CANX: variants seen among roughly 807,000 people sequenced by gnomAD.
The protein encoded by CANX is calnexin.
Under a neutral mutation model 75.7 loss-of-function variants are expected in CANX, and 14 were observed. The ratio of observed to expected loss-of-function variants is 0.19; its 90% CI spans 0.12 to 0.29. The LOEUF is 0.29. CANX is among the 10% of genes least tolerant of loss of function. The pLI is 1.00. For missense variants in CANX, 567 were observed against 713.2 expected (o/e 0.79, Z 2.34); for synonymous variants, 227 against 236.9 (o/e 0.96, Z 0.38).
chr5:179,707,159 C>T lies in CANX; in HGVS notation c.273C>T (p.Asp91=), dbSNP rs187514851. ...GGATTTTATCCAAAGCCAAGAAAGA[C>T]GATACCGATGATGAAATTGCCAAAT... The part of the protein sequence containing the change: ...SGWILSKAKK[D]DTDDEIAKYD... The change falls in exon 4 of 15, where the codon GAC becomes GAT. Residue 91 remains aspartate, a synonymous_variant. Coordinates refer to ENST00000247461, the MANE Select transcript of CANX (RefSeq NM_001746.4). The T allele has an allele frequency of 2.1e-5, 34 of 1,600,210 alleles. No homozygotes were observed. Among genetic ancestry groups the T allele is most frequent in the Admixed American group, 1.5e-4 (9 of 59,980 alleles).
chr5:179,680,959 T>C, intron 1 of CANX: 1 of 1,493,930 alleles, frequency 6.7e-7, no homozygotes, highest in East Asian at 2.5e-5. Context: ...GGAGGATGTT[T>C]CCCCGTTAGT....
At position 179,691,921 on chromosome 5, in the gene CANX, G is replaced by T. The variant is rs181612396; in HGVS notation, c.-4+13144G>T. ...GCCTCCCGAGTAGCTGGGACTACAG[G>T]CACCCGCCACCACGCCCGGCTAATT... On this transcript the variant is annotated intron_variant, in intron 1 of 14. Coordinates refer to the CANX transcript ENST00000681674. 1.0e-3 allele frequency among the ~76,000 whole-genome samples: 157 copies of T among 151,626 alleles called. 1 individual carries two copies. The highest frequency in any genetic ancestry group is 3.7e-3 in the African/African-American group (152 of 41,348).
In CANX at chr5:179,680,505, C is replaced by T. The variant is rs561517096; in HGVS notation, c.-4+1728C>T. 2.6e-5 allele frequency among the ~76,000 whole-genome samples: 4 copies of T among 152,240 alleles called. No individual in the cohort carries two copies. The East Asian group carries it at 7.7e-4, about 29-fold the overall frequency. On this transcript the variant is annotated intron_variant, in intron 1 of 14. Coordinates refer to the CANX transcript ENST00000681674. Reference sequence around the variant, plus strand: ...ACAGATGCGTGTATAGACCACAGTCCAGTGTGTTCACTGACATCCTGGGGT... The same window carrying T: ...ACAGATGCGTGTATAGACCACAGTCTAGTGTGTTCACTGACATCCTGGGGT...
chr5:179,724,522 A>AATT, intron 12 of CANX, 135 bp from the exon 13 acceptor site: 1 of 678,660 alleles, frequency 1.5e-6, no homozygotes. Flanking sequence ...TCAGGGTAGG[A>AATT]ATTACATCCT....
intron 1 of CANX, among the ~76,000 whole-genome samples, chr5:179,703,192 C>T (rs1019494944): frequency 2.3e-4 from 35 of 151,278 alleles, no homozygotes; most frequent in Admixed American, 1.3e-4. Context: ...GGATTATTGG[C>T]GTGAGCCACC....
chr5:179,680,970 C>T (rs1776048657), intron 1 of CANX: 6 of 1,471,406 alleles, frequency 4.1e-6, no homozygotes, highest in Non-Finnish European at 5.5e-6. Context: ...CCCCGTTAGT[C>T]CTCACTGTAT....
intron 6 of CANX, among the ~76,000 whole-genome samples, chr5:179,709,279 TGGC>T (rs1777362400): frequency 6.6e-6 from 1 of 152,090 alleles, no homozygotes. Context: ...CCAGGCGTGG[TGGC>T]AGGCGCCTGT....
chr5:179,707,729 C>T (rs1021158757), intron 4 of CANX, among the ~76,000 whole-genome samples: 2 of 149,764 alleles, frequency 1.3e-5, no homozygotes, highest in African/African-American at 4.9e-5. Flanking sequence ...TGTTTAATCA[C>T]CTGTGCTACT....
At chr5:179,712,539 C>T (rs1323100376) in intron 7 of CANX, among the ~76,000 whole-genome samples, 1 of 151,944 alleles carries the variant, frequency 6.6e-6, no homozygotes, top group Admixed American at 6.6e-5. Flanking sequence ...CTGCCTTGGC[C>T]TCCCAAGTAG....
At position 179,699,027 on chromosome 5, in the gene CANX, T is replaced by C; in HGVS notation, c.-79T>C. 9.0e-7 allele frequency: 1 copy of C among 1,110,086 alleles called. No homozygotes were observed. The highest frequency in any genetic ancestry group is 1.1e-6 in the Non-Finnish European group (1 of 902,844). The allele number at this position is 1,110,086 out of a possible 1,614,324, so 68.8% of individuals were successfully genotyped here. A position where few individuals can be genotyped will look rare whatever the true frequency, so the allele number is the denominator to read the frequency against. ...GACGGTCGGGCCGCCTCCGCCTCTC[T>C]CTTTACTGCGGCGCGGGGCAAGGTG... On this transcript the variant is annotated 5_prime_UTR_variant, in exon 1 of 15. Transcript: ENST00000247461.
chr5:179,715,335 C>T (rs113188569), intron 7 of CANX, among the ~76,000 whole-genome samples: 2,242 of 152,162 alleles, frequency 0.015, 76 homozygotes, highest in African/African-American at 0.052. Flanking sequence ...GAGTTTGAGA[C>T]CAGCCTGGGC....
intron 7 of CANX, among the ~76,000 whole-genome samples, chr5:179,714,993 G>C (rs2113209496): frequency 6.6e-6 from 1 of 151,870 alleles, no homozygotes; most frequent in East Asian, 1.9e-4. Flanking sequence ...TCGAACTCCT[G>C]GCCTCAAGTG....
chr5:179,681,689 G>C (rs1184943312), intron 1 of CANX, among the ~76,000 whole-genome samples: 3 of 152,138 alleles, frequency 2.0e-5, no homozygotes, highest in Non-Finnish European at 4.4e-5. Context: ...ACCAGTGATA[G>C]GGATCTCAGT....
intron 1 of CANX, among the ~76,000 whole-genome samples, chr5:179,701,158 G>T (rs953876857): frequency 3.3e-5 from 5 of 151,834 alleles, no homozygotes; most frequent in Non-Finnish European, 7.4e-5. Context: ...GAGCCACTGC[G>T]CCCGGCCCAG....
chr5:179,710,123 T>C (rs1376001715), intron 7 of CANX, 58 bp downstream of exon 7: 3 of 1,093,002 alleles, frequency 2.7e-6, no homozygotes, highest in African/African-American at 3.2e-5. Context: ...ATCCATTTAA[T>C]TTAAAGATTG....
At chr5:179,722,022 G>A (rs1404442063) in intron 10 of CANX, among the ~76,000 whole-genome samples, 3 of 152,114 alleles carry the variant, frequency 2.0e-5, no homozygotes, top group African/African-American at 7.2e-5. Flanking sequence ...TAAGATAAAA[G>A]TTTTACTTTA....
At chr5:179,684,278 T>C (rs1013513583) in intron 1 of CANX, among the ~76,000 whole-genome samples, 1 of 152,124 alleles carries the variant, frequency 6.6e-6, no homozygotes, top group Admixed American at 6.6e-5. Context: ...AGACGGGGTC[T>C]TACCGTGGTG....
At chr5:179,698,138 C>T (rs916618619), upstream of CANX, among the ~76,000 whole-genome samples, 1 of 152,142 alleles carries the variant, frequency 6.6e-6, no homozygotes, top group Non-Finnish European at 1.5e-5. Flanking sequence ...GTGAGGTTCT[C>T]AGCATACTGA....
chr5:179,719,593 C>T (rs1778177005), intron 8 of CANX, 75 bp from the exon 9 acceptor site: 1 of 761,186 alleles, frequency 1.3e-6, no homozygotes, highest in African/African-American at 1.8e-5. Context: ...TTTTAGAATA[C>T]TCTGTTCTGA....
Sources: allele counts gnomAD v4.1 joint callset (sites outside exome capture counted in the v4.1 genomes callset), GRCh38; gene constraint gnomAD v4.1.1; transcripts MANE v1.5; gene names NCBI Gene and HGNC (gene_info 2026-07-23, HGNC 2026-07-21).